The following CCDC17 variants were observed in gnomAD, a reference collection of about 807,000 sequenced individuals.
CCDC17 encodes coiled-coil domain-containing protein 17.
A neutral mutation model predicts 68.0 loss-of-function variants in CCDC17; 79 were observed. The observed-to-expected ratio is 1.16, with a 90% CI of 0.97 to 1.40. The LOEUF is 1.40. CCDC17 is among the 40% of genes most tolerant of loss of function. The pLI is 0.00. For synonymous variants in CCDC17, 376 were observed against 337.5 expected (o/e 1.11, Z -1.25); for missense variants, 846 against 811.5 (o/e 1.04, Z -0.52).
chr1:45,620,311 A>G lies in CCDC17; in HGVS notation c.1833T>C (p.Pro611=), dbSNP rs1381440912. The change falls in exon 13 of 13, where the codon CCT becomes CCC. Residue 611 remains proline (P), a synonymous_variant. Transcript: ENST00000528266. The part of the protein sequence containing the change: ...GVKDRDEGLG[P]HHSSDLPPVS... ...CTGGGGGCAAGTCAGAACTGTGGTGAGGGCCCAAACCCTCATCTCTATCCT... is the reference window on the plus strand; with the variant it reads ...CTGGGGGCAAGTCAGAACTGTGGTGGGGGCCCAAACCCTCATCTCTATCCT... The G allele has an allele frequency of 6.2e-7, 1 of 1,609,552 alleles. No homozygotes were observed. The highest frequency in any genetic ancestry group is 1.7e-5 in the Admixed American group (1 of 58,630).
In CCDC17 at chr1:45,622,667, C is replaced by T; in HGVS notation, c.741G>A (p.Arg247=). The T allele has an allele frequency of 6.4e-7, 1 of 1,554,670 alleles. No individual in the cohort carries two copies. Residue 247 remains arginine, a splice_region_variant and synonymous_variant, in exon 6 of 13, where the codon CGG becomes CGA. Transcript: ENST00000528266. ...ANPGTLAAEI[R]ALREAYIRDG... ...CTCGAATGTAGGCCTCCCGCAGCGC[C>T]CTAGGGAGTGGGGAACAGGAAGGCC...
At chr1:45,622,055 A>AC in intron 7 of CCDC17, 60 bp from the exon 8 acceptor site, 1 of 1,497,042 alleles carries the variant, frequency 6.7e-7, no homozygotes, top group Non-Finnish European at 9.1e-7. Flanking sequence ...TAGCTGAGAT[A>AC]CCCCTCCCCC....
At chr1:45,622,207 A>C (rs3014241) in intron 7 of CCDC17, 34 bp downstream of exon 7, 2 of 1,574,944 alleles carry the variant, frequency 1.3e-6, no homozygotes, top group Non-Finnish European at 1.7e-6. Context: ...GGGAGAGATA[A>C]GTGGGATGGG....
chr1:45,621,987 C>A lies in CCDC17; in HGVS notation c.976G>T (p.Asp326Tyr). 6.2e-7 allele frequency: 1 copy of A among 1,606,196 alleles called. No individual in the cohort carries two copies. ...CTGGCATCCCCCAGGAGTCGCAGAT[C>A]CTGGGGCCCTAGGAGCAGAAGAGTT... is the stretch of plus-strand genomic sequence containing the variant. ...QRGRAPLGPQ[D>Y]LRLLGDASLQ... Residue 326 changes from aspartate to tyrosine, a missense_variant, in exon 8 of 13, where the codon GAT (aspartate) becomes TAT (tyrosine). By Grantham distance (160) the Asp-to-Tyr change is radical (BLOSUM62 -3). Transcript: ENST00000528266.
At position 45,622,804 on chromosome 1, in the gene CCDC17, T is replaced by A; in HGVS notation, c.687A>T (p.Glu229Asp). 6.2e-7 allele frequency: 1 copy of A among 1,602,190 alleles called. No individual in the cohort carries two copies. Among genetic ancestry groups the A allele is most frequent in the Non-Finnish European group, 8.5e-7 (1 of 1,174,568 alleles). Residue 229 changes from glutamate to aspartate, a missense_variant, in exon 5 of 13, where the codon GAA becomes GAT. Glu to Asp is a conservative substitution (Grantham distance 45). Transcript: ENST00000528266. ...GNPLSSRREAELYSPVQKANP... is the reference protein window; with the variant it reads ...GNPLSSRREADLYSPVQKANP... ...TGGCCTTTTGCACTGGAGAATAAAGTTCTGCCTCTCGCCGGGAGCTCAGCG... is the reference window on the plus strand; with the variant it reads ...TGGCCTTTTGCACTGGAGAATAAAGATCTGCCTCTCGCCGGGAGCTCAGCG...
chr1:45,623,937 C>A lies in CCDC17; in HGVS notation c.-28G>T, dbSNP rs1469063292. ...GATGGGACCCGTTTCCTGAAACCAG[C>A]CAAGACCTGCAGAAGGGATCAAGGG... On this transcript the variant is annotated 5_prime_UTR_variant, in exon 1 of 13. Coordinates refer to ENST00000528266, the MANE Select transcript of CCDC17 (RefSeq NM_001114938.3). 4 of 1,443,876 alleles carry A rather than the reference C, an allele frequency of 2.8e-6. No individual in the cohort carries two copies. Among genetic ancestry groups the A allele is most frequent in the Non-Finnish European group, 3.7e-6 (4 of 1,082,620 alleles). 89.4% of individuals were successfully genotyped at this position (1,443,876 alleles called of 1,614,324 possible). A position where few individuals can be genotyped will look rare whatever the true frequency, so the allele number is the denominator to read the frequency against.
intron 2 of CCDC17, 43 bp downstream of exon 2, chr1:45,623,514 A>C (rs909714538): frequency 1.9e-6 from 3 of 1,548,582 alleles, no homozygotes; most frequent in African/African-American, 2.7e-5. Context: ...TTTGGGGAAG[A>C]CGCTCAACGT....
chr1:45,623,990 A>G lies in CCDC17; in HGVS notation c.-81T>C. ...GGGGAAAGGCAGAGGAGGATGAAAGAGACATAAAGCCAGAGGCAGAGAGGA... is the reference window on the plus strand; with the variant it reads ...GGGGAAAGGCAGAGGAGGATGAAAGGGACATAAAGCCAGAGGCAGAGAGGA... On this transcript the variant is annotated 5_prime_UTR_variant, in exon 1 of 13. Transcript: ENST00000528266. The G allele has an allele frequency of 9.8e-7, 1 of 1,015,922 alleles. No homozygotes were observed. Among genetic ancestry groups the G allele is most frequent in the Non-Finnish European group, 1.4e-6 (1 of 703,860 alleles). 62.9% of individuals were successfully genotyped at this position (1,015,922 alleles called of 1,614,324 possible).
At chr1:45,620,606 A>T in intron 12 of CCDC17, 117 bp downstream of exon 12, 1 of 1,511,654 alleles carries the variant, frequency 6.6e-7, no homozygotes, top group Non-Finnish European at 8.9e-7. Flanking sequence ...GTGAGGATCA[A>T]ACAAGAAAGC....
In CCDC17 at chr1:45,621,018, G is replaced by A. The variant is rs2148388032; in HGVS notation, c.1484C>T (p.Ser495Leu). The change falls in exon 11 of 13, where the codon TCA (serine) becomes TTA (leucine). Residue 495 changes from serine (S) to leucine (L), a missense_variant. Ser to Leu is a moderately radical substitution (Grantham distance 145). Transcript: ENST00000528266. ...ARAPQPKAWV[S>L]LGLFDQDQRV... ...CTGATCTTGGTCAAATAGTCCAAGT[G>A]AGACCCAAGCCTTTGGCTGTGGTGC... 1.2e-6 allele frequency: 2 copies of A among 1,613,940 alleles called. No homozygotes were observed. The highest frequency in any genetic ancestry group is 1.7e-6 in the Non-Finnish European group (2 of 1,179,868).
rs1226990532 is a variant in CCDC17 at position 45,620,771 on chromosome 1, C to A, written c.1662G>T (p.Leu554=). Residue 554 remains leucine, a synonymous_variant, in exon 12 of 13, where the codon CTG becomes CTT. Coordinates refer to ENST00000528266, the MANE Select transcript of CCDC17 (RefSeq NM_001114938.3). ...GGACACTTGCTGGATTGATCTCTGC[C>A]AGTGTCTGTACAGCTGCATCTCTTG... ...VNARDAAVQT[L]AEINPASVHE... 2 of 1,611,184 alleles carry A rather than the reference C, an allele frequency of 1.2e-6. No individual in the cohort carries two copies. Among genetic ancestry groups the A allele is most frequent in the African/African-American group, 2.7e-5 (2 of 74,938 alleles).
In CCDC17 at chr1:45,622,547, A is replaced by T. The variant is rs1172912886; in HGVS notation, c.859+2T>A. 1.3e-6 allele frequency: 2 copies of T among 1,551,136 alleles called. No individual in the cohort carries two copies. The highest frequency in any genetic ancestry group is 4.9e-5 in the East Asian group (2 of 40,904). ...CCGCTGGCGAGAGGCCCTCCTGTTCACCTCTGCGGGTCTGCGACCGCTGCA... is the reference window on the plus strand; with the variant it reads ...CCGCTGGCGAGAGGCCCTCCTGTTCTCCTCTGCGGGTCTGCGACCGCTGCA... On this transcript the variant is annotated splice_donor_variant, in intron 6 of 12. Transcript: ENST00000528266. LOFTEE classifies it high-confidence loss of function.
chr1:45,620,407 G>C lies in CCDC17; in HGVS notation c.1737C>G (p.Ala579=). 1 of 1,586,114 alleles carries C rather than the reference G, an allele frequency of 6.3e-7. No individual in the cohort carries two copies. The highest frequency in any genetic ancestry group is 1.2e-5 in the South Asian group (1 of 86,106). Residue 579 remains alanine (A), a synonymous_variant, in exon 13 of 13, where the codon GCC becomes GCG. Transcript: ENST00000528266. The part of the protein sequence containing the change: ...PPVSSTSSLE[A]SFLTPAVGFA... ...AGCCAACTGCGGGGGTGAGGAAGCT[G>C]GCTTCCAGTGAAGATGTGCTGGACA...
chr1:45,620,993 C>CTGAT lies in CCDC17; in HGVS notation c.1505_1508dup (p.Arg504SerfsTer22), dbSNP rs1557675076. On this transcript the variant is annotated frameshift_variant, in exon 11 of 13. Transcript: ENST00000528266. LOFTEE classifies it high-confidence loss of function. ...GGCGCCAGCGGCCACTTAGCACCCG[C>CTGAT]TGATCTTGGTCAAATAGTCCAAGTG... 6.2e-7 allele frequency: 1 copy of CTGAT among 1,613,882 alleles called. No individual in the cohort carries two copies. Among genetic ancestry groups the CTGAT allele is most frequent in the Non-Finnish European group, 8.5e-7 (1 of 1,179,848 alleles).
rs373304885 is a variant in CCDC17 at position 45,623,146 on chromosome 1, G to A, written c.494-29C>T. On this transcript the variant is annotated intron_variant, in intron 3 of 12. Transcript: ENST00000528266. Reference sequence around the variant, plus strand: ...AGGGAATGCGGGCCGAGTCAGAACCGGCCCGAGCAAGCTTAAGCCAAACGG... The same window carrying A: ...AGGGAATGCGGGCCGAGTCAGAACCAGCCCGAGCAAGCTTAAGCCAAACGG... The A allele has an allele frequency of 6.7e-4, 1,038 of 1,539,090 alleles. 10 individuals are homozygous for A. The South Asian group carries it at 9.2e-3, about 14-fold the overall frequency.
chr1:45,623,245 C>T lies in CCDC17; in HGVS notation c.465G>A (p.Gln155=). The T allele has an allele frequency of 6.5e-7, 1 of 1,545,502 alleles. No individual in the cohort carries two copies. Among genetic ancestry groups the T allele is most frequent in the South Asian group, 1.2e-5 (1 of 83,968 alleles). ...CGCCGCGTAGCTGCAGGGCCCGGCT[C>T]TGCGCTTCCATCTCCGCCACGCGCC... The part of the protein sequence containing the change: ...RARRVAEMEA[Q]SRALQLRGEE... The change falls in exon 3 of 13, where the codon CAG becomes CAA. Residue 155 remains glutamine (Q), a synonymous_variant. Transcript: ENST00000528266.
At position 45,623,068 on chromosome 1, in the gene CCDC17, G is replaced by A. The variant is rs923667073; in HGVS notation, c.543C>T (p.Ser181=). Residue 181 remains serine (S), a synonymous_variant, in exon 4 of 13, where the codon TCC becomes TCT. Coordinates refer to ENST00000528266, the MANE Select transcript of CCDC17 (RefSeq NM_001114938.3). ...TCTCCTGCTCCAGGCCGAAGAGGCG[G>A]GACATCCCGCCCCGCGTACAGGCCA... ...QVVACTRGGM[S]RLFGLEQEIR... 1 of 1,607,314 alleles carries A rather than the reference G, an allele frequency of 6.2e-7. No homozygotes were observed. The highest frequency in any genetic ancestry group is 1.7e-5 in the Admixed American group (1 of 59,306).
At position 45,622,714 on chromosome 1, in the gene CCDC17, G is replaced by C. The variant is rs1332074551; in HGVS notation, c.740+37C>G. 6 of 1,560,646 alleles carry C rather than the reference G, an allele frequency of 3.8e-6. No homozygotes were observed. In the South Asian group the frequency reaches 7.1e-5, roughly 18 times the overall value. On this transcript the variant is annotated intron_variant, in intron 5 of 12. Transcript: ENST00000528266. Reference sequence around the variant, plus strand: ...GGCCGTCTTTCCAGAACTGCTCAGCGCTTCGCCCTATGCCCATCTCCGGCC... The same window carrying C: ...GGCCGTCTTTCCAGAACTGCTCAGCCCTTCGCCCTATGCCCATCTCCGGCC...
intron 2 of CCDC17, 28 bp from the exon 3 acceptor site, chr1:45,623,467 T>A: frequency 6.5e-7 from 1 of 1,549,820 alleles, no homozygotes; most frequent in Non-Finnish European, 8.7e-7. Context: ...CCGCGATCTC[T>A]GCGTGGGCAG....
Sources: allele counts gnomAD v4.1 joint callset, GRCh38; gene constraint gnomAD v4.1.1; transcripts MANE v1.5; gene names NCBI Gene and HGNC (gene_info 2026-07-23, HGNC 2026-07-21).